The following CACNA1A variants were observed in gnomAD, a reference collection of about 807,000 sequenced individuals.
CACNA1A encodes the protein voltage-dependent P/Q-type calcium channel subunit alpha-1A.
A neutral mutation model predicts 262.4 loss-of-function variants in CACNA1A; 57 were observed. That is an observed-to-expected ratio of 0.22 (90% CI 0.18 to 0.27). The LOEUF (loss-of-function observed/expected upper bound fraction) is 0.27. Among genes scored for constraint, CACNA1A ranks in the 10% least tolerant of loss-of-function variants. The pLI is 1.00. For missense variants in CACNA1A, 2,526 were observed against 3,562.8 expected, an observed-to-expected ratio of 0.71 and a Z score of 7.41; for synonymous variants, 1,431 against 1,419.3, an observed-to-expected ratio of 1.01 and a Z score of -0.18.
chr19:13,259,764 G>C, intron 26 of CACNA1A, 63 bp from the exon 27 acceptor site: 1 of 1,569,800 alleles, frequency 6.4e-7, no homozygotes. Flanking sequence ...ACTTGTCTTT[G>C]GTTATCAGAG....
intron 1 of CACNA1A, among the ~76,000 whole-genome samples, chr19:13,491,005 A>AAGG (rs1555794665): frequency 0.017 from 2,588 of 150,184 alleles, 135 homozygotes; most frequent in East Asian, 0.17. Flanking sequence ...AGGAAGGAAG[A>AAGG]AAGGAAGGAA....
At chr19:13,304,764 G>C (rs2057865949) in intron 15 of CACNA1A, among the ~76,000 whole-genome samples, 1 of 151,236 alleles carries the variant, frequency 6.6e-6, no homozygotes, top group Non-Finnish European at 1.5e-5. Context: ...AAGCTAGGAA[G>C]AGGGCCCTCA....
At chr19:13,462,978 C>T (rs2061151527) in intron 1 of CACNA1A, among the ~76,000 whole-genome samples, 1 of 152,006 alleles carries the variant, frequency 6.6e-6, no homozygotes, top group African/African-American at 2.4e-5. Context: ...CTAGGCTGGT[C>T]TTGAACTCCT....
chr19:13,296,807 T>C (rs1267729347), intron 19 of CACNA1A, among the ~76,000 whole-genome samples: 1 of 152,228 alleles, frequency 6.6e-6, no homozygotes, highest in Non-Finnish European at 1.5e-5. Flanking sequence ...TCGCCCAGGC[T>C]GAAGTGCAGT....
rs3764665 is a variant in CACNA1A, at chr19:13,330,168, C to T, written c.1345+76G>A. 251,644 of 1,049,426 alleles carry T rather than the reference C, an allele frequency of 0.24. 33,041 individuals carry two copies. Among genetic ancestry groups the T allele is most frequent in the East Asian group, 0.46 (17,662 of 38,276 alleles). The allele number at this position is 1,049,426 out of a possible 1,614,324, so 65.0% of individuals were successfully genotyped here. A position where few individuals can be genotyped will look rare whatever the true frequency, so the allele number is the denominator to read the frequency against. ...AATCCAGGCAGCACGGTTTGCAAGCCCTCTGCCCCCACCCCACCATGTCTC... is the reference window on the plus strand; with the variant it reads ...AATCCAGGCAGCACGGTTTGCAAGCTCTCTGCCCCCACCCCACCATGTCTC... On this transcript the variant is annotated intron_variant, in intron 10 of 46. Transcript: ENST00000360228.
chr19:13,259,851 G>T, intron 26 of CACNA1A, 150 bp from the exon 27 acceptor site: 1 of 731,882 alleles, frequency 1.4e-6, no homozygotes, highest in Non-Finnish European at 2.3e-6. Flanking sequence ...CTGCCACCAT[G>T]TGTTCCTGTG....
At chr19:13,306,485 A>AGT (rs2057906424) in intron 15 of CACNA1A, 1 of 151,440 alleles carries the variant, frequency 6.6e-6, no homozygotes, top group Non-Finnish European at 1.5e-5. Flanking sequence ...GGTCTCCCAA[A>AGT]GTGCTGAGAT....
At chr19:13,430,590 T>C (rs372614374) in intron 3 of CACNA1A, among the ~76,000 whole-genome samples, 20 of 152,262 alleles carry the variant, frequency 1.3e-4, no homozygotes, top group Middle Eastern at 6.8e-3. Flanking sequence ...TTGATGCCCC[T>C]GGAAGATTTT....
intron 31 of CACNA1A, among the ~76,000 whole-genome samples, chr19:13,239,341 T>C (rs1252905889): frequency 6.6e-6 from 1 of 152,200 alleles, no homozygotes; most frequent in East Asian, 1.9e-4. Flanking sequence ...TGTGCTGTCC[T>C]GGGCCTGGAA....
intron 44 of CACNA1A, among the ~76,000 whole-genome samples, chr19:13,210,394 AG>A (rs2054761693): frequency 6.6e-6 from 1 of 151,732 alleles, no homozygotes; most frequent in Non-Finnish European, 1.5e-5. Context: ...AAAAGGGGGT[AG>A]GGGTGAGGAT....
At chr19:13,404,518 G>C (rs908120815) in intron 3 of CACNA1A, among the ~76,000 whole-genome samples, 1 of 152,164 alleles carries the variant, frequency 6.6e-6, no homozygotes, top group Non-Finnish European at 1.5e-5. Flanking sequence ...ATCCTCTCCC[G>C]AGAAAGCTGG....
chr19:13,271,214 G>GTTTTTTTTGTTTTTTTTGTTTTTTTT (rs2057009117), intron 24 of CACNA1A: 38 of 80,444 alleles, frequency 4.7e-4, no homozygotes, highest in African/African-American at 1.9e-3. Context: ...TCATTCTGCT[G>GTTTTTTTTGTTTTTTTTGTTTTTTTT]TTTTTTTTTT....
In CACNA1A at chr19:13,283,500, C is replaced by T. The variant is rs968021971; in HGVS notation, c.3693-104G>A. ...ACCTACCACTACTGAGATCTCCAACCCCCAAGGCCTCCTACACAACAAACT... is the reference window on the plus strand; with the variant it reads ...ACCTACCACTACTGAGATCTCCAACTCCCAAGGCCTCCTACACAACAAACT... On this transcript the variant is annotated intron_variant, in intron 21 of 46. Transcript: ENST00000360228. 6 of 1,433,312 alleles carry T rather than the reference C, an allele frequency of 4.2e-6. No homozygotes were observed. In the African/African-American group the frequency reaches 5.6e-5, roughly 13 times the overall value. The allele number at this position is 1,433,312 out of a possible 1,614,324, so 88.8% of individuals were successfully genotyped here.
intron 1 of CACNA1A, among the ~76,000 whole-genome samples, chr19:13,488,847 G>A (rs1376982201): frequency 6.6e-6 from 1 of 152,010 alleles, no homozygotes; most frequent in African/African-American, 2.4e-5. Context: ...TGCTAATTCT[G>A]TTGGTTCAGG....
chr19:13,325,583 C>T (rs979337043), intron 10 of CACNA1A, among the ~76,000 whole-genome samples: 7 of 152,136 alleles, frequency 4.6e-5, no homozygotes, highest in Non-Finnish European at 1.0e-4. Context: ...TACAGGCGCC[C>T]GCCTCCATGC....
intron 3 of CACNA1A, among the ~76,000 whole-genome samples, chr19:13,393,128 G>A (rs990280642): frequency 1.3e-5 from 2 of 152,088 alleles, no homozygotes; most frequent in African/African-American, 4.8e-5. Flanking sequence ...CAGATGTTCC[G>A]GTCCTAGGAA....
rs771565473 is a variant in CACNA1A at position 13,298,966 on chromosome 19, G to A, written c.2667C>T (p.Ala889=). 5.7e-6 allele frequency: 9 copies of A among 1,585,568 alleles called. No individual in the cohort carries two copies. The South Asian group carries it at 7.8e-5, about 14-fold the overall frequency. ...ARRPWAGSQE[A]ELSREGPYGR... ...CGTAGGGTCCCTCCCGGCTCAGCTCGGCCTCCTGGCTTCCCGCCCAGGGCC... is the reference window on the plus strand; with the variant it reads ...CGTAGGGTCCCTCCCGGCTCAGCTCAGCCTCCTGGCTTCCCGCCCAGGGCC... The change falls in exon 19 of 47, where the codon GCC becomes GCT. Residue 889 remains alanine (A), a synonymous_variant. Transcript: ENST00000360228.
intron 24 of CACNA1A, among the ~76,000 whole-genome samples, chr19:13,269,713 G>A (rs541694021): frequency 1.3e-5 from 2 of 152,320 alleles, no homozygotes; most frequent in South Asian, 4.1e-4. Flanking sequence ...ACGTGTGATG[G>A]CTCATGAAAT....
chr19:13,316,109 C>A (rs1463189158), intron 11 of CACNA1A: 1 of 152,008 alleles, frequency 6.6e-6, no homozygotes, highest in Admixed American at 6.6e-5. Context: ...AGGTGTGCAC[C>A]ATCACATCTG....
Sources: allele counts gnomAD v4.1 joint callset (sites outside exome capture counted in the v4.1 genomes callset), GRCh38; gene constraint gnomAD v4.1.1; transcripts MANE v1.5; gene names NCBI Gene and HGNC (gene_info 2026-07-23, HGNC 2026-07-21).